The following FUT1 variants were observed in gnomAD, a reference collection of about 807,000 sequenced individuals.
FUT1 encodes fucosyltransferase 1 (H blood group).
For synonymous variants in FUT1, 215 were observed against 208.7 expected (o/e 1.03, Z -0.26); for missense variants, 476 against 492.7 (o/e 0.97, Z 0.32).
chr19:48,752,450 T>C lies in FUT1; in HGVS notation c.-3+40A>G, dbSNP rs2034019091. 2 of 984,352 alleles carry C rather than the reference T, an allele frequency of 2.0e-6. No homozygotes were observed. The highest frequency in any genetic ancestry group is 2.4e-6 in the Non-Finnish European group (2 of 829,050). The allele number at this position is 984,352 out of a possible 1,614,324, so 61.0% of individuals were successfully genotyped here. On this transcript the variant is annotated intron_variant, in intron 1 of 1. Coordinates refer to ENST00000645652, the MANE Select transcript of FUT1 (RefSeq NM_001384359.1). The surrounding 1 kb of genome is among the most constrained non-coding windows in gnomAD (Gnocchi z 4.3). ...CTCCTGGTTCTGAAGGAGTTGTTCC[T>C]GGGTCCCAGGAACAACTGAGTGGGG...
In FUT1 at chr19:48,748,679, G is replaced by A. The variant is rs2033944479; in HGVS notation, c.*1505C>T. 1 of 152,324 alleles carries A rather than the reference G, an allele frequency of 6.6e-6. No homozygotes were observed. Among genetic ancestry groups the A allele is most frequent in the South Asian group, 2.1e-4 (1 of 4,822 alleles). 9.4% of individuals were successfully genotyped at this position (152,324 alleles called of 1,614,324 possible). On this transcript the variant is annotated 3_prime_UTR_variant, in exon 2 of 2. Transcript: ENST00000645652. ...TCAAAACAAACAAAAAAAAGTCTTT[G>A]AGGGGCTGTGGGGCTTGTTGGACAG...
rs753237560 is a variant in FUT1, at chr19:48,751,025, T to C, written c.257A>G (p.Asn86Ser). Residue 86 changes from asparagine to serine, a missense_variant, in exon 2 of 2, where the codon AAT (asparagine) becomes AGT (serine). By Grantham distance (46) the Asn-to-Ser change is conservative. Coordinates refer to ENST00000645652, the MANE Select transcript of FUT1 (RefSeq NM_001384359.1). ...SLSGTWTVYPNGRFGNQMGQY... is the reference protein window; with the variant it reads ...SLSGTWTVYPSGRFGNQMGQY... Reference sequence around the variant, plus strand: ...TCCCATCTGATTACCAAACCGGCCATTGGGGTAGACAGTCCAGGTGCCGGA... The same window carrying C: ...TCCCATCTGATTACCAAACCGGCCACTGGGGTAGACAGTCCAGGTGCCGGA... 3.0e-5 allele frequency: 47 copies of C among 1,591,786 alleles called. No individual in the cohort carries two copies. Among genetic ancestry groups the C allele is most frequent in the Middle Eastern group, 1.7e-4 (1 of 5,940 alleles).
upstream of FUT1, chr19:48,755,351 C>T (rs566985432): frequency 3.3e-5 from 5 of 152,948 alleles, no homozygotes; most frequent in Admixed American, 1.3e-4. Flanking sequence ...GTGCCCACTC[C>T]AGGGCCTGGC....
rs777455020 is a variant in FUT1, at chr19:48,750,399, CAA to C, written c.881_882del (p.Phe294CysfsTer40). 51 of 1,614,104 alleles carry C rather than the reference CAA, an allele frequency of 3.2e-5. No individual in the cohort carries two copies. The East Asian group carries it at 1.1e-3, about 34-fold the overall frequency. ...DGQEATPWKD[F>X]ALLTQCNHTI... is the part of the protein sequence containing the mutation. ...GTGTGGTTGCACTGTGTGAGCAGGG[CAA>C]AGTCTTTCCACGGTGTAGCCTCCTG... is the stretch of plus-strand genomic sequence containing the variant. On this transcript the variant is annotated frameshift_variant, in exon 2 of 2. Transcript: ENST00000645652. LOFTEE classifies it high-confidence loss of function.
At chr19:48,751,834 C>G (rs2034007801) in intron 1 of FUT1, among the ~76,000 whole-genome samples, 1 of 151,934 alleles carries the variant, frequency 6.6e-6, no homozygotes, top group African/African-American at 2.4e-5. Context: ...GCCTGTAATC[C>G]CAGCCACTCG....
At chr19:48,754,459 C>T (rs536861680), upstream of FUT1, among the ~76,000 whole-genome samples, 6 of 152,240 alleles carry the variant, frequency 3.9e-5, no homozygotes, top group East Asian at 1.9e-4. Context: ...CTGGCGTTCC[C>T]GCTTGACCAA....
In FUT1 at chr19:48,752,414, T is replaced by C; in HGVS notation, c.-3+76A>G. On this transcript the variant is annotated intron_variant, in intron 1 of 1. Coordinates refer to ENST00000645652, the MANE Select transcript of FUT1 (RefSeq NM_001384359.1). The surrounding 1 kb of genome is among the most constrained non-coding windows in gnomAD (Gnocchi z 4.3). The stretch of plus-strand genomic sequence containing the variant: ...CCTTAGGAAGACCTGGAGAAGAGGT[T>C]GGGGGTGCACCTCCTGGTTCTGAAG... 2.2e-6 allele frequency: 2 copies of C among 903,086 alleles called. No individual in the cohort carries two copies. Among genetic ancestry groups the C allele is most frequent in the Non-Finnish European group, 2.6e-6 (2 of 754,824 alleles). The allele number at this position is 903,086 out of a possible 1,614,324, so 55.9% of individuals were successfully genotyped here.
At position 48,750,136 on chromosome 19, in the gene FUT1, C is replaced by T; in HGVS notation, c.*48G>A. 2 of 1,587,330 alleles carry T rather than the reference C, an allele frequency of 1.3e-6. No homozygotes were observed. Among genetic ancestry groups the T allele is most frequent in the Non-Finnish European group, 1.7e-6 (2 of 1,168,976 alleles). ...GATGCCAGGCCTCTGAAGCCACGTA[C>T]TGCTGGCTCTAGAAAGATCAGGCTA... On this transcript the variant is annotated 3_prime_UTR_variant, in exon 2 of 2. Transcript: ENST00000645652.
chr19:48,752,746 C>T (rs888024840), upstream of FUT1: 9 of 985,198 alleles, frequency 9.1e-6, no homozygotes, highest in African/African-American at 1.4e-4. The surrounding 1 kb of genome is among the most constrained non-coding windows in gnomAD (Gnocchi z 4.3). Context: ...GAGCCCCGCC[C>T]GTCACTTGGC....
rs1469792663 is a variant in FUT1, at chr19:48,751,256, A to T, written c.26T>A (p.Leu9His). Residue 9 changes from leucine to histidine, a missense_variant, in exon 2 of 2, where the codon CTC (leucine) becomes CAC (histidine). Leu to His is a moderately conservative substitution (Grantham distance 99). Transcript: ENST00000645652. ...ACAGACTAGCAGGAAGGCCAGGCAG[A>T]GCTGACGATGGCTCCGGAGCCACAT... MWLRSHRQ[L>H]CLAFLLVCVL... is the part of the protein sequence containing the mutation. The T allele has an allele frequency of 6.2e-7, 1 of 1,613,696 alleles. No homozygotes were observed. Among genetic ancestry groups the T allele is most frequent in the Non-Finnish European group, 8.5e-7 (1 of 1,179,726 alleles).
At chr19:48,754,013 T>C (rs917352166), upstream of FUT1, among the ~76,000 whole-genome samples, 2 of 151,862 alleles carry the variant, frequency 1.3e-5, no homozygotes, top group Non-Finnish European at 2.9e-5. Flanking sequence ...TGAAACCCTG[T>C]CTCTACTAAA....
At chr19:48,752,693 C>T, upstream of FUT1, 1 of 985,390 alleles carries the variant, frequency 1.0e-6, no homozygotes, top group Non-Finnish European at 1.2e-6. This position sits in a 1 kb window ranked among gnomAD's most constrained non-coding sequence, Gnocchi z 4.3. Context: ...CCGGGAGTCT[C>T]GCAGCGTCCG....
In FUT1 at chr19:48,750,078, T is replaced by C; in HGVS notation, c.*106A>G. On this transcript the variant is annotated 3_prime_UTR_variant, in exon 2 of 2. Coordinates refer to ENST00000645652, the MANE Select transcript of FUT1 (RefSeq NM_001384359.1). ...GAATCACTCTGGATACGGGCACCCA[T>C]TTGCTTCAGGAACACCACAAGCTTC... 2 of 1,381,622 alleles carry C rather than the reference T, an allele frequency of 1.4e-6. No homozygotes were observed. Among genetic ancestry groups the C allele is most frequent in the Non-Finnish European group, 2.0e-6 (2 of 1,005,930 alleles). 85.6% of individuals were successfully genotyped at this position (1,381,622 alleles called of 1,614,324 possible).
chr19:48,751,873 C>T (rs1022036211), intron 1 of FUT1, among the ~76,000 whole-genome samples: 14 of 152,082 alleles, frequency 9.2e-5, no homozygotes, highest in African/African-American at 3.4e-4. Context: ...ATCGCCTGAA[C>T]CCGGGGGGCG....
chr19:48,751,904 T>C (rs544310588), intron 1 of FUT1, among the ~76,000 whole-genome samples: 10 of 150,780 alleles, frequency 6.6e-5, no homozygotes, highest in Non-Finnish European at 1.3e-4. Context: ...TGAGCTGAGA[T>C]CATGCCATTA....
chr19:48,754,259 G>A (rs1019919864), upstream of FUT1, among the ~76,000 whole-genome samples: 1 of 152,014 alleles, frequency 6.6e-6, no homozygotes, highest in African/African-American at 2.4e-5. Flanking sequence ...GGAACCAGGA[G>A]TACGGGAGGA....
Position 48,750,806 on chromosome 19 carries a change from T to C in FUT1, c.476A>G (p.Asp159Gly). The change falls in exon 2 of 2, where the codon GAT becomes GGT. Residue 159 changes from aspartate (D) to glycine (G), a missense_variant. Coordinates refer to ENST00000645652, the MANE Select transcript of FUT1 (RefSeq NM_001384359.1). ...WMSEEYADLR[D>G]PFLKLSGFPC... ...GAAGCCAGAGAGCTTCAGGAAAGGA[T>C]CTCTCAAGTCCGCGTACTCCTCCGA... 1 of 1,613,888 alleles carries C rather than the reference T, an allele frequency of 6.2e-7. No individual in the cohort carries two copies. Among genetic ancestry groups the C allele is most frequent in the South Asian group, 1.1e-5 (1 of 91,080 alleles).
In FUT1 at chr19:48,751,243, G is replaced by A; in HGVS notation, c.39C>T (p.Phe13=). 5.0e-6 allele frequency: 8 copies of A among 1,614,182 alleles called. No homozygotes were observed. Among genetic ancestry groups the A allele is most frequent in the Non-Finnish European group, 6.8e-6 (8 of 1,180,036 alleles). The change falls in exon 2 of 2, where the codon TTC becomes TTT. Residue 13 remains phenylalanine (F), a synonymous_variant. Coordinates refer to ENST00000645652, the MANE Select transcript of FUT1 (RefSeq NM_001384359.1). The part of the protein sequence containing the change: ...LRSHRQLCLA[F]LLVCVLSVIF... ...TTACAGAGAGGACACAGACTAGCAG[G>A]AAGGCCAGGCAGAGCTGACGATGGC...
rs2034022110 is a variant in FUT1, at chr19:48,752,623, C to T, written c.-136G>A. ...TATCCGGCCCGGCAGCCCTCCCCTC[C>T]GCGCAGCCTGTCCGGACTGGCAGCG... On this transcript the variant is annotated 5_prime_UTR_variant, in exon 1 of 2. Transcript: ENST00000645652. This position sits in a 1 kb window ranked among gnomAD's most constrained non-coding sequence, Gnocchi z 4.3. 2.0e-6 allele frequency: 2 copies of T among 985,340 alleles called. No individual in the cohort carries two copies. The highest frequency in any genetic ancestry group is 6.1e-5 in the Admixed American group (1 of 16,270). The allele number at this position is 985,340 out of a possible 1,614,324, so 61.0% of individuals were successfully genotyped here. A position where few individuals can be genotyped will look rare whatever the true frequency, so the allele number is the denominator to read the frequency against.
Sources: allele counts gnomAD v4.1 joint callset (sites outside exome capture counted in the v4.1 genomes callset), GRCh38; gene constraint gnomAD v4.1.1; non-coding constraint Gnocchi (gnomAD v3.1); transcripts MANE v1.5; gene names NCBI Gene and HGNC (gene_info 2026-07-23, HGNC 2026-07-21).